The following EMSY variants were observed in gnomAD, a reference collection of about 807,000 sequenced individuals.
The protein encoded by EMSY is BRCA2-interacting transcriptional repressor EMSY.
A neutral mutation model predicts 134.6 loss-of-function variants in EMSY; 26 were observed. The ratio of observed to expected loss-of-function variants is 0.19; its 90% confidence interval spans 0.14 to 0.27. The LOEUF (loss-of-function observed/expected upper bound fraction) is 0.27. Ranked by LOEUF, EMSY falls within the 10% of genes least tolerant of loss-of-function variation. The probability of loss-of-function intolerance (pLI) is 1.00; values close to 1 mark genes in which losing one functional copy is unlikely to be tolerated. For synonymous variants in EMSY, 579 were observed against 577.8 expected, an observed-to-expected ratio of 1.00 and a Z score of -0.03; for missense variants, 1,305 against 1,611.4, an observed-to-expected ratio of 0.81 and a Z score of 3.26.
chr11:76,476,978 A>G (rs1239038384), intron 8 of EMSY, among the ~76,000 whole-genome samples: 1 of 152,044 alleles, frequency 6.6e-6, no homozygotes, highest in Non-Finnish European at 1.5e-5. Flanking sequence ...TATGGGTTTT[A>G]ACTTTTTCTA....
chr11:76,489,467 G>A (rs1949328439), intron 8 of EMSY, among the ~76,000 whole-genome samples: 1 of 151,850 alleles, frequency 6.6e-6, no homozygotes, highest in Non-Finnish European at 1.5e-5. Flanking sequence ...CTTCTTGATG[G>A]ATTAACCCCC....
chr11:76,544,533 C>T, exon 19 of EMSY: 1 of 1,614,136 alleles, frequency 6.2e-7, no homozygotes, highest in Non-Finnish European at 8.5e-7. Flanking sequence ...CCGCAAATGC[C>T]CCAGCTTTCC....
intron 8 of EMSY, among the ~76,000 whole-genome samples, chr11:76,495,461 A>G (rs1949615543): frequency 6.6e-6 from 1 of 152,214 alleles, no homozygotes; most frequent in Non-Finnish European, 1.5e-5. Flanking sequence ...ATTACAGATG[A>G]AAAACCTGCG....
intron 9 of EMSY, among the ~76,000 whole-genome samples, chr11:76,501,002 G>T (rs1375137664): frequency 6.6e-6 from 1 of 152,090 alleles, no homozygotes; most frequent in Admixed American, 6.5e-5. Flanking sequence ...TATAAAAAAT[G>T]GTGTAGTATT....
chr11:76,482,232 AC>A (rs531212692), intron 8 of EMSY, among the ~76,000 whole-genome samples: 9 of 152,160 alleles, frequency 5.9e-5, no homozygotes, highest in Non-Finnish European at 1.0e-4. Flanking sequence ...CCACACAGAA[AC>A]CCCATCTAAA....
At chr11:76,544,656 T>C (rs766414908) in exon 19 of EMSY, 1 of 1,614,126 alleles carries the variant, frequency 6.2e-7, no homozygotes, top group Non-Finnish European at 8.5e-7. Flanking sequence ...CCTACCTTAA[T>C]GGCACAGCCC....
intron 8 of EMSY, 34 bp downstream of exon 9, chr11:76,472,874 G>A (rs371086579): frequency 6.2e-5 from 100 of 1,602,694 alleles, no homozygotes; most frequent in Non-Finnish European, 7.9e-5. Flanking sequence ...TTCTGTCACA[G>A]TTGCTATATG....
chr11:76,509,593 A>C (rs1950201664), intron 9 of EMSY, among the ~76,000 whole-genome samples: 2 of 152,260 alleles, frequency 1.3e-5, no homozygotes, highest in South Asian at 4.1e-4. Context: ...TACCTGTATC[A>C]CTGTAGAATG....
chr11:76,513,572 T>A (rs75860729), intron 10 of EMSY, 37 bp downstream of exon 11: 28,287 of 1,601,436 alleles, frequency 0.018, 575 homozygotes, highest in East Asian at 0.095. Context: ...TTATTCATCA[T>A]ACATTCATCA....
At chr11:76,499,444 C>A (rs547563532) in intron 9 of EMSY, among the ~76,000 whole-genome samples, 1 of 151,628 alleles carries the variant, frequency 6.6e-6, no homozygotes, top group African/African-American at 2.4e-5. Context: ...CCTGCCACCA[C>A]ACCCGGCTAA....
chr11:76,462,259 A>G (rs977943760), intron 6 of EMSY, among the ~76,000 whole-genome samples: 2 of 152,208 alleles, frequency 1.3e-5, no homozygotes, highest in Non-Finnish European at 2.9e-5. Flanking sequence ...AAATAAATAA[A>G]TAAGTAAAAT....
chr11:76,472,652 T>C, exon 8 of EMSY: 1 of 1,614,204 alleles, frequency 6.2e-7, no homozygotes. Flanking sequence ...ACTAAGCTTG[T>C]ACCAACGTCA....
intron 20 of EMSY, among the ~76,000 whole-genome samples, chr11:76,548,859 T>C (rs192234221): frequency 2.0e-5 from 3 of 152,354 alleles, no homozygotes; most frequent in South Asian, 2.1e-4. Context: ...AACTTTGCTC[T>C]GGGGTTTTTA....
intron 14 of EMSY, among the ~76,000 whole-genome samples, chr11:76,532,461 G>A (rs556057718): frequency 1.3e-5 from 2 of 151,854 alleles, no homozygotes; most frequent in Admixed American, 1.3e-4. Flanking sequence ...AAACCTAATG[G>A]ATTAAGGCCA....
intron 11 of EMSY, among the ~76,000 whole-genome samples, chr11:76,518,955 A>G (rs1950553239): frequency 6.6e-6 from 1 of 151,666 alleles, no homozygotes; most frequent in Non-Finnish European, 1.5e-5. Context: ...TCCTCTGTAT[A>G]AATATCCTAG....
chr11:76,452,145 G>C (rs1284470192), intron 3 of EMSY, among the ~76,000 whole-genome samples, 188 bp downstream of exon 3: 1 of 152,210 alleles, frequency 6.6e-6, no homozygotes, highest in Non-Finnish European at 1.5e-5. Flanking sequence ...ACCATTTATT[G>C]TGTAATCCAG....
At chr11:76,461,807 C>T (rs1948130140) in intron 6 of EMSY, among the ~76,000 whole-genome samples, 1 of 152,150 alleles carries the variant, frequency 6.6e-6, no homozygotes, top group Non-Finnish European at 1.5e-5. Flanking sequence ...TGGCGGGCGC[C>T]TGTAATCCGA....
chr11:76,526,626 G>A (rs2136337166), exon 13 of EMSY: 3 of 1,612,280 alleles, frequency 1.9e-6, no homozygotes, highest in South Asian at 1.1e-5. Context: ...GGCAGCAAGG[G>A]AAAACGCAGG....
chr11:76,540,600 T>G (rs1248126354), intron 17 of EMSY, among the ~76,000 whole-genome samples: 1 of 152,228 alleles, frequency 6.6e-6, no homozygotes, highest in Non-Finnish European at 1.5e-5. Context: ...AGATAGAATG[T>G]GTCATAAAAA....
Sources: gnomAD v4.1 joint callset for allele counts (sites outside exome capture counted in the v4.1 genomes callset) on GRCh38, gnomAD v4.1.1 for gene constraint, MANE v1.5 for transcripts, NCBI Gene and HGNC (gene_info 2026-07-23, HGNC 2026-07-21) for gene names.